The following NKAIN2 variants were observed in gnomAD, a reference collection of about 807,000 sequenced individuals.
NKAIN2 encodes sodium/potassium transporting ATPase interacting 2.
NKAIN2 carries 14 observed loss-of-function variants against 32.6 expected under a neutral mutation model. That is an observed-to-expected ratio of 0.43 (90% CI 0.28 to 0.67). The LOEUF (loss-of-function observed/expected upper bound fraction) is 0.67, where lower values mean the gene tolerates loss of function less well. NKAIN2 is among the 30% of genes least tolerant of loss of function. The pLI, the probability that NKAIN2 is intolerant of heterozygous loss-of-function variation, is 0.17. For synonymous variants in NKAIN2, 80 were observed against 87.2 expected (o/e 0.92, Z 0.46); for missense variants, 198 against 258.3 (o/e 0.77, Z 1.60).
At chr6:124,483,154 A>G (rs1047493193) in intron 3 of NKAIN2, among the ~76,000 whole-genome samples, 1 of 152,182 alleles carries the variant, frequency 6.6e-6, no homozygotes, top group Non-Finnish European at 1.5e-5. Flanking sequence ...AAATGATGAT[A>G]CCAATTATAC....
At chr6:124,424,453 C>T (rs528802422) in intron 3 of NKAIN2, among the ~76,000 whole-genome samples, 1 of 66,096 alleles carries the variant, frequency 1.5e-5, no homozygotes, top group Non-Finnish European at 3.5e-5. Flanking sequence ...TTCAAACATA[C>T]AACACAGTAT....
intron 3 of NKAIN2, among the ~76,000 whole-genome samples, chr6:124,636,366 C>T (rs947055238): frequency 9.2e-5 from 14 of 151,638 alleles, no homozygotes; most frequent in Admixed American, 2.0e-4. Flanking sequence ...CTCGAGCATC[C>T]AGGGAAGCAA....
chr6:124,460,907 C>T (rs1776506731), intron 3 of NKAIN2, among the ~76,000 whole-genome samples: 1 of 150,894 alleles, frequency 6.6e-6, no homozygotes, highest in African/African-American at 2.4e-5. Context: ...CTTATTTCCC[C>T]CCCTTTTAAT....
chr6:124,058,201 TTTG>T (rs1436043914), intron 1 of NKAIN2, among the ~76,000 whole-genome samples: 271 of 20,608 alleles, frequency 0.013, 1 homozygote, highest in South Asian at 0.07. Context: ...ACATTTAAGT[TTTG>T]TTTTTTTTTT....
intron 1 of NKAIN2, among the ~76,000 whole-genome samples, chr6:123,850,957 G>C (rs149846149): frequency 1.3e-5 from 2 of 152,114 alleles, no homozygotes; most frequent in African/African-American, 4.8e-5. Context: ...TTGTTTTTCT[G>C]TGCCTGGCTT....
chr6:124,295,002 TGGGA>T lies in NKAIN2; in HGVS notation c.192+11862_192+11865del, dbSNP rs531838333. ...TCATTTTATCTACAATTCATTTTTA[TGGGA>T]GTGTCATGCACTTAAAATTTAATAT... is the stretch of plus-strand genomic sequence containing the variant. On this transcript the variant is annotated intron_variant, in intron 2 of 6. Transcript: ENST00000368417. Among the ~76,000 whole-genome samples, 769 of 152,330 alleles carry T rather than the reference TGGGA, an allele frequency of 5.0e-3. 6 individuals are homozygous for T. The highest frequency in any genetic ancestry group is 0.024 in the Middle Eastern group (7 of 294).
chr6:124,116,082 C>T (rs1260724048), intron 1 of NKAIN2, among the ~76,000 whole-genome samples: 1 of 151,990 alleles, frequency 6.6e-6, no homozygotes, highest in Non-Finnish European at 1.5e-5. Context: ...ACGTTCAGCT[C>T]TTAGAGATCA....
chr6:123,958,965 T>G (rs1015173186), intron 1 of NKAIN2, among the ~76,000 whole-genome samples: 1 of 152,220 alleles, frequency 6.6e-6, no homozygotes, highest in African/African-American at 2.4e-5. Flanking sequence ...GCTTACATTA[T>G]TGAGGACTTT....
chr6:124,672,489 G>A (rs1773155477), intron 4 of NKAIN2, among the ~76,000 whole-genome samples: 1 of 151,926 alleles, frequency 6.6e-6, no homozygotes, highest in African/African-American at 2.4e-5. Context: ...AACTCTGTGT[G>A]GTCAAAACTT....
chr6:124,799,507 T>C (rs777585323), intron 5 of NKAIN2, among the ~76,000 whole-genome samples: 4 of 152,138 alleles, frequency 2.6e-5, no homozygotes, highest in Non-Finnish European at 4.4e-5. Flanking sequence ...TAAATAAATC[T>C]GATATTTCCA....
intron 3 of NKAIN2, among the ~76,000 whole-genome samples, chr6:124,531,715 C>T (rs1203898715): frequency 1.3e-5 from 2 of 152,130 alleles, no homozygotes; most frequent in South Asian, 2.1e-4. Flanking sequence ...CACTCTGTTG[C>T]GCAGGCTGGA....
intron 4 of NKAIN2, among the ~76,000 whole-genome samples, chr6:124,700,335 G>C (rs1774712670): frequency 6.6e-6 from 1 of 152,134 alleles, no homozygotes; most frequent in Admixed American, 6.6e-5. Flanking sequence ...GAATTGATTA[G>C]TATTACTTCT....
chr6:124,303,155 G>A (rs1032068455), intron 2 of NKAIN2, among the ~76,000 whole-genome samples: 3 of 152,160 alleles, frequency 2.0e-5, no homozygotes, highest in Non-Finnish European at 4.4e-5. Flanking sequence ...AACAACTTGT[G>A]AAGATTACAG....
intron 2 of NKAIN2, among the ~76,000 whole-genome samples, chr6:124,298,446 G>A (rs1796155761): frequency 6.6e-6 from 1 of 152,066 alleles, no homozygotes; most frequent in Non-Finnish European, 1.5e-5. Context: ...TTTTCAATCT[G>A]ACACTGAAAA....
At chr6:124,631,519 T>C (rs186618518) in intron 3 of NKAIN2, among the ~76,000 whole-genome samples, 1 of 152,288 alleles carries the variant, frequency 6.6e-6, no homozygotes, top group Admixed American at 6.5e-5. Context: ...TATACAGGTC[T>C]TTGAGTGCAG....
intron 3 of NKAIN2, among the ~76,000 whole-genome samples, chr6:124,614,619 A>G (rs7743685): frequency 0.2 from 30,627 of 151,910 alleles, 3,337 homozygotes; most frequent in African/African-American, 0.28. Context: ...GCTCTTCCCC[A>G]AGGCTGGATG....
chr6:124,304,708 G>C (rs1796438832), intron 2 of NKAIN2, among the ~76,000 whole-genome samples: 2 of 152,166 alleles, frequency 1.3e-5, no homozygotes, highest in Non-Finnish European at 2.9e-5. Context: ...GAGGTCAGAA[G>C]ATAGAGACCA....
intron 1 of NKAIN2, among the ~76,000 whole-genome samples, chr6:124,189,315 T>C (rs1340556560): frequency 6.6e-6 from 1 of 152,044 alleles, no homozygotes; most frequent in Non-Finnish European, 1.5e-5. Context: ...AAGAAACCCA[T>C]AGAAATGAAA....
intron 4 of NKAIN2, among the ~76,000 whole-genome samples, chr6:124,754,817 A>G (rs995630857): frequency 3.9e-5 from 6 of 152,188 alleles, no homozygotes; most frequent in Admixed American, 3.3e-4. Context: ...TCATTCTATC[A>G]GAAACACACA....
Sources: gnomAD v4.1 joint callset for allele counts (sites outside exome capture counted in the v4.1 genomes callset) on GRCh38, gnomAD v4.1.1 for gene constraint, MANE v1.5 for transcripts, NCBI Gene and HGNC (gene_info 2026-07-23, HGNC 2026-07-21) for gene names.